Variants in NRTN observed in about 807,000 individuals in gnomAD.
NRTN encodes prepro-neurturin.
NRTN carries 3 observed loss-of-function variants against 7.5 expected under a neutral mutation model. That is an observed-to-expected ratio of 0.40 (90% CI 0.18 to 1.03). NRTN has a LOEUF of 1.03. Among genes scored for constraint, NRTN ranks in the 50% least tolerant of loss-of-function variants. The pLI, the probability that NRTN is intolerant of heterozygous loss-of-function variation, is 0.34. For synonymous variants in NRTN, 157 were observed against 146.6 expected (o/e 1.07, Z -0.51); for missense variants, 310 against 307.0 (o/e 1.01, Z -0.07).
intron 1 of NRTN, among the ~76,000 whole-genome samples, chr19:5,817,380 A>G (rs2057008146): frequency 7.0e-6 from 1 of 143,522 alleles, no homozygotes; most frequent in Non-Finnish European, 1.5e-5. Flanking sequence ...GGAAGGAAGG[A>G]GGGAGGAAAG....
intron 1 of NRTN, among the ~76,000 whole-genome samples, chr19:5,822,273 A>C (rs1021980587): frequency 6.6e-6 from 1 of 152,104 alleles, no homozygotes; most frequent in Non-Finnish European, 1.5e-5. Flanking sequence ...TACAAGGTGC[A>C]CGCATTTGGG....
intron 1 of NRTN, among the ~76,000 whole-genome samples, chr19:5,810,505 A>C (rs2056986857): frequency 6.6e-6 from 1 of 151,866 alleles, no homozygotes; most frequent in Admixed American, 6.6e-5. Flanking sequence ...AATAATAATA[A>C]CATGTTTTTC....
In NRTN at chr19:5,806,889, C is replaced by A. The variant is rs918827113; in HGVS notation, c.-399+1438C>A. Reference sequence around the variant, plus strand: ...AAAAAGTTTGCAGCCGGGCACAACACAATCAAAAGATTGTTTCGACAAATG... The same window carrying A: ...AAAAAGTTTGCAGCCGGGCACAACAAAATCAAAAGATTGTTTCGACAAATG... On this transcript the variant is annotated intron_variant, in intron 1 of 2. Transcript: ENST00000303212. This position sits in a 1 kb window ranked among gnomAD's most constrained non-coding sequence, Gnocchi z 5.4. Among the ~76,000 whole-genome samples, 1 of 152,164 alleles carries A rather than the reference C, an allele frequency of 6.6e-6. No homozygotes were observed. Among genetic ancestry groups the A allele is most frequent in the South Asian group, 2.1e-4 (1 of 4,830 alleles).
intron 1 of NRTN, among the ~76,000 whole-genome samples, chr19:5,820,005 G>A (rs890011044): frequency 2.6e-5 from 4 of 152,118 alleles, no homozygotes; most frequent in Non-Finnish European, 5.9e-5. Context: ...GGTGGCTCTC[G>A]CCTGTAATCC....
intron 1 of NRTN, among the ~76,000 whole-genome samples, chr19:5,815,973 G>C (rs575454535): frequency 2.0e-5 from 3 of 152,116 alleles, no homozygotes; most frequent in African/African-American, 7.2e-5. Context: ...TCGAACTCCT[G>C]ACTTCAAGTG....
chr19:5,810,739 G>A (rs893262485), intron 1 of NRTN, among the ~76,000 whole-genome samples: 2 of 151,864 alleles, frequency 1.3e-5, no homozygotes, highest in African/African-American at 2.4e-5. Context: ...GACCACCCTG[G>A]CCAACATGGT....
intron 1 of NRTN, among the ~76,000 whole-genome samples, 27 bp downstream of exon 1, chr19:5,805,478 G>C (rs1296514949): frequency 1.3e-5 from 2 of 151,596 alleles, no homozygotes; most frequent in Admixed American, 6.6e-5. Context: ...CGGGGCAGGT[G>C]GGGGGGCAGC....
Position 5,828,134 on chromosome 19 carries a change from G to A in NRTN, c.555G>A (p.Thr185=), listed in dbSNP as rs922519870. The change falls in exon 3 of 3, where the codon ACG becomes ACA. Residue 185 remains threonine (T), a synonymous_variant. Coordinates refer to ENST00000303212, the MANE Select transcript of NRTN (RefSeq NM_004558.5). Reference sequence around the variant, plus strand: ...TGGACGCGCACAGCCGCTACCACACGGTGCACGAGCTGTCGGCGCGCGAGT... The same window carrying A: ...TGGACGCGCACAGCCGCTACCACACAGTGCACGAGCTGTCGGCGCGCGAGT... The part of the protein sequence containing the change: ...SFLDAHSRYH[T]VHELSARECA... 7.3e-6 allele frequency: 11 copies of A among 1,515,026 alleles called. No individual in the cohort carries two copies. The highest frequency in any genetic ancestry group is 5.3e-5 in the East Asian group (2 of 37,910). 93.8% of individuals were successfully genotyped at this position (1,515,026 alleles called of 1,614,324 possible).
intron 1 of NRTN, among the ~76,000 whole-genome samples, chr19:5,813,945 T>C (rs1599635304): frequency 6.6e-6 from 1 of 151,698 alleles, no homozygotes; most frequent in African/African-American, 2.4e-5. Context: ...GAAGCAGAGG[T>C]TGCAATCAGC....
At chr19:5,811,970 C>T (rs1365835456) in intron 1 of NRTN, among the ~76,000 whole-genome samples, 4 of 151,706 alleles carry the variant, frequency 2.6e-5, no homozygotes, top group Admixed American at 1.3e-4. Flanking sequence ...CTTGGGTTCA[C>T]GCCATTCTCC....
Position 5,828,070 on chromosome 19 carries a change from G to A in NRTN, c.491G>A (p.Cys164Tyr), listed in dbSNP as rs1173550710. The A allele has an allele frequency of 2.0e-6, 3 of 1,475,506 alleles. No individual in the cohort carries two copies. The highest frequency in any genetic ancestry group is 2.6e-5 in the South Asian group (2 of 77,142). 91.4% of individuals were successfully genotyped at this position (1,475,506 alleles called of 1,614,324 possible). Residue 164 changes from cysteine (C) to tyrosine (Y), a missense_variant, in exon 3 of 3, where the codon TGC becomes TAC. Cys to Tyr is a radical substitution (Grantham distance 194). Transcript: ENST00000303212. ...CGGGAGCGGGTGCGCGCGCAGCCCT[G>A]CTGCCGCCCGACGGCCTACGAGGAC... Reference protein sequence around the residue: ...LRRERVRAQPCCRPTAYEDEV... With the variant: ...LRRERVRAQPYCRPTAYEDEV...
intron 1 of NRTN, among the ~76,000 whole-genome samples, chr19:5,808,397 C>T (rs1433169751): frequency 6.6e-6 from 1 of 152,202 alleles, no homozygotes; most frequent in African/African-American, 2.4e-5. Flanking sequence ...GCAGCCTGGC[C>T]AGCCCCAAGA....
Position 5,806,669 on chromosome 19 carries a change from G to A in NRTN, c.-399+1218G>A, listed in dbSNP as rs535080711. On this transcript the variant is annotated intron_variant, in intron 1 of 2. Coordinates refer to ENST00000303212, the MANE Select transcript of NRTN (RefSeq NM_004558.5). This position sits in a 1 kb window ranked among gnomAD's most constrained non-coding sequence, Gnocchi z 5.4. ...TAAGACTCCCGAGGTTCATAGCTCC[G>A]GCACCGACTCCACCCCCAGGGAGCT... 5.3e-5 allele frequency among the ~76,000 whole-genome samples: 8 copies of A among 151,992 alleles called. No homozygotes were observed. The highest frequency in any genetic ancestry group is 1.3e-4 in the Admixed American group (2 of 15,248).
Position 5,828,280 on chromosome 19 carries a change from G to A in NRTN, c.*107G>A. On this transcript the variant is annotated 3_prime_UTR_variant, in exon 3 of 3. Coordinates refer to ENST00000303212, the MANE Select transcript of NRTN (RefSeq NM_004558.5). Reference sequence around the variant, plus strand: ...GCGTAGAGCACGCCGGCGCGGCCCCGGGACTCTCGCGATAACTGTACTGAG... The same window carrying A: ...GCGTAGAGCACGCCGGCGCGGCCCCAGGACTCTCGCGATAACTGTACTGAG... The A allele has an allele frequency of 7.9e-7, 1 of 1,272,242 alleles. No homozygotes were observed. The highest frequency in any genetic ancestry group is 1.1e-6 in the Non-Finnish European group (1 of 947,584). The allele number at this position is 1,272,242 out of a possible 1,614,324, so 78.8% of individuals were successfully genotyped here.
intron 2 of NRTN, among the ~76,000 whole-genome samples, chr19:5,825,800 C>T (rs2057043697): frequency 6.6e-6 from 1 of 152,228 alleles, no homozygotes; most frequent in African/African-American, 2.4e-5. Flanking sequence ...GTGCAAGCAG[C>T]CAGCCCCGCT....
intron 1 of NRTN, among the ~76,000 whole-genome samples, chr19:5,814,295 G>A (rs559242773): frequency 3.7e-4 from 56 of 152,202 alleles, no homozygotes; most frequent in Non-Finnish European, 6.2e-4. Context: ...ATGGCTGGGG[G>A]TGGCCAAGAT....
chr19:5,827,128 C>G (rs2057049335), intron 2 of NRTN, among the ~76,000 whole-genome samples: 1 of 152,126 alleles, frequency 6.6e-6, no homozygotes, highest in African/African-American at 2.4e-5. Context: ...GAAACTGAGG[C>G]TCCACTGCAC....
intron 1 of NRTN, among the ~76,000 whole-genome samples, chr19:5,810,732 C>T (rs112047027): frequency 0.011 from 1,685 of 151,752 alleles, 31 homozygotes; most frequent in African/African-American, 0.038. Flanking sequence ...AGATCAAGAC[C>T]ACCCTGGCCA....
At position 5,808,757 on chromosome 19, in the gene NRTN, C is replaced by CT. The variant is rs60945267; in HGVS notation, c.-399+3324dup. On this transcript the variant is annotated intron_variant, in intron 1 of 2. Coordinates refer to ENST00000303212, the MANE Select transcript of NRTN (RefSeq NM_004558.5). ...ACTCTTTCCAGATCTTCAATGGTGG[C>CT]TTTTTTTTTTTTTTTTTTGAGACAG... 1.7e-3 allele frequency among the ~76,000 whole-genome samples: 221 copies of CT among 130,352 alleles called. 1 individual carries two copies. Among genetic ancestry groups the CT allele is most frequent in the Middle Eastern group, 4.0e-3 (1 of 248 alleles). 85.5% of individuals were successfully genotyped at this position (130,352 alleles called of 152,430 possible).
Sources: gnomAD v4.1 joint callset for allele counts (sites outside exome capture counted in the v4.1 genomes callset) on GRCh38, gnomAD v4.1.1 for gene constraint, Gnocchi (gnomAD v3.1) non-coding constraint, MANE v1.5 for transcripts, NCBI Gene and HGNC (gene_info 2026-07-23, HGNC 2026-07-21) for gene names.